SRI: variants seen among roughly 807,000 people sequenced by gnomAD.
SRI encodes 22 kDa protein.
A neutral mutation model predicts 33.3 loss-of-function variants in SRI; 30 were observed. The ratio of observed to expected loss-of-function variants is 0.90; its 90% CI spans 0.67 to 1.22. The LOEUF (loss-of-function observed/expected upper bound fraction) is 1.22. Ranked by LOEUF, SRI falls within the 50% of genes most tolerant of loss-of-function variation. The probability of loss-of-function intolerance (pLI) is 0.00; values close to 1 mark genes in which losing one functional copy is unlikely to be tolerated. For missense variants in SRI, 243 were observed against 250.8 expected, an observed-to-expected ratio of 0.97 and a Z score of 0.21; for synonymous variants, 75 against 89.9, an observed-to-expected ratio of 0.83 and a Z score of 0.94.
intron 1 of SRI, chr7:88,219,274 T>C (rs1851817375): frequency 2.8e-6 from 1 of 353,862 alleles, no homozygotes; most frequent in Non-Finnish European, 5.4e-6. Context: ...CAAATTCTCC[T>C]TTTGTTGTTA....
chr7:88,208,583 A>G lies in SRI; in HGVS notation c.512-18T>C. 1 of 1,613,576 alleles carries G rather than the reference A, an allele frequency of 6.2e-7. No individual in the cohort carries two copies. Among genetic ancestry groups the G allele is most frequent in the Non-Finnish European group, 8.5e-7 (1 of 1,179,686 alleles). On this transcript the variant is annotated intron_variant, in intron 6 of 7. Coordinates refer to ENST00000265729, the MANE Select transcript of SRI (RefSeq NM_003130.4). ...AAAGCTGTCTGTAAAACAACACAGT[A>G]AAATTTATGGTTTTTCTTTAAATGG...
intron 3 of SRI, among the ~76,000 whole-genome samples, chr7:88,211,474 A>G (rs1667495447): frequency 6.6e-6 from 1 of 152,150 alleles, no homozygotes; most frequent in Non-Finnish European, 1.5e-5. Flanking sequence ...AAAGTATTAC[A>G]TAGTACTGTT....
Position 88,206,182 on chromosome 7 carries a change from CTT to C in SRI, c.*294_*295del, listed in dbSNP as rs1851436463. The C allele has an allele frequency of 2.3e-6, 1 of 442,462 alleles. No homozygotes were observed. The allele number at this position is 442,462 out of a possible 1,614,324, so 27.4% of individuals were successfully genotyped here. A position where few individuals can be genotyped will look rare whatever the true frequency, so the allele number is the denominator to read the frequency against. ...TCACAATGAAAAATAAATAATGTGA[CTT>C]AAACATTTTGCATACTTAAATTTAC... is the stretch of plus-strand genomic sequence containing the variant. On this transcript the variant is annotated 3_prime_UTR_variant, in exon 8 of 8. Coordinates refer to ENST00000265729, the MANE Select transcript of SRI (RefSeq NM_003130.4).
chr7:88,220,148 T>A (rs1851854436), upstream of SRI: 1 of 1,340,694 alleles, frequency 7.5e-7, no homozygotes, highest in Non-Finnish European at 9.5e-7. Flanking sequence ...GGGGACGCGC[T>A]CCGCAGTCGT....
In SRI at chr7:88,205,121, G is replaced by A. The variant is rs764961727; in HGVS notation, c.*1357C>T. The A allele has an allele frequency of 1.3e-5, 2 of 152,176 alleles. No individual in the cohort carries two copies. Among genetic ancestry groups the A allele is most frequent in the African/African-American group, 4.8e-5 (2 of 41,442 alleles). 9.4% of individuals were successfully genotyped at this position (152,176 alleles called of 1,614,324 possible). A position where few individuals can be genotyped will look rare whatever the true frequency, so the allele number is the denominator to read the frequency against. On this transcript the variant is annotated 3_prime_UTR_variant, in exon 8 of 8. Coordinates refer to ENST00000265729, the MANE Select transcript of SRI (RefSeq NM_003130.4). ...AGTGAAATGAGGCTAAAGATGCTTA[G>A]AGAAAATGTTTTATTTTCATTAGTT...
intron 1 of SRI, 69 bp downstream of exon 1, chr7:88,219,907 G>GC: frequency 6.6e-7 from 1 of 1,512,390 alleles, no homozygotes; most frequent in Admixed American, 2.0e-5. Flanking sequence ...GCTGGCCGCA[G>GC]CATCTCCAAG....
At chr7:88,213,700 A>G (rs1264579413) in intron 3 of SRI, among the ~76,000 whole-genome samples, 2 of 152,332 alleles carry the variant, frequency 1.3e-5, no homozygotes, top group East Asian at 1.9e-4. Context: ...ACTGGTATGG[A>G]TGGATGGCAC....
intron 4 of SRI, chr7:88,210,637 C>T: frequency 2.1e-6 from 1 of 481,550 alleles, no homozygotes; most frequent in Non-Finnish European, 3.8e-6. Flanking sequence ...TCCTGACACT[C>T]TGGACTCTGT....
chr7:88,216,270 G>A (rs1159142251), intron 3 of SRI, among the ~76,000 whole-genome samples: 4 of 152,182 alleles, frequency 2.6e-5, no homozygotes, highest in Non-Finnish European at 5.9e-5. Flanking sequence ...GAGCCACTGT[G>A]CCCTGCCAGG....
intron 3 of SRI, among the ~76,000 whole-genome samples, chr7:88,212,493 A>T (rs1851603920): frequency 1.3e-5 from 2 of 152,224 alleles, no homozygotes; most frequent in South Asian, 4.1e-4. Context: ...GCTGCACCAT[A>T]GAACAATTAA....
upstream of SRI, among the ~76,000 whole-genome samples, chr7:88,224,400 C>G (rs111717368): frequency 6.6e-6 from 1 of 152,186 alleles, no homozygotes. Context: ...GTTGAATTAA[C>G]CATAGGTCTT....
At chr7:88,226,400 G>T (rs574263845) in intron 1 of SRI, among the ~76,000 whole-genome samples, 2 of 152,088 alleles carry the variant, frequency 1.3e-5, no homozygotes, top group Non-Finnish European at 2.9e-5. Context: ...TCTTGATGTC[G>T]CAAAGTTTAC....
At chr7:88,215,577 A>G (rs1230249632) in intron 3 of SRI, among the ~76,000 whole-genome samples, 1 of 152,246 alleles carries the variant, frequency 6.6e-6, no homozygotes, top group Non-Finnish European at 1.5e-5. Context: ...TTTGTTTAGG[A>G]CTAGATTAAA....
At position 88,220,001 on chromosome 7, in the gene SRI, G is replaced by T; in HGVS notation, c.26C>A (p.Ala9Asp). The T allele has an allele frequency of 6.5e-7, 1 of 1,536,114 alleles. No homozygotes were observed. The part of the protein sequence containing the change: MAYPGHPG[A>D]GGGYYPGGYG... The stretch of plus-strand genomic sequence containing the variant: ...CCCGCCTGGGTAGTACCCGCCGCCG[G>T]CGCCAGGATGCCCCGGGTACGCCAT... Residue 9 changes from alanine (A) to aspartate (D), a missense_variant, in exon 1 of 8, where the codon GCC becomes GAC. Coordinates refer to ENST00000265729, the MANE Select transcript of SRI (RefSeq NM_003130.4).
upstream of SRI, among the ~76,000 whole-genome samples, chr7:88,222,567 C>A (rs560204160): frequency 2.0e-5 from 3 of 152,014 alleles, no homozygotes; most frequent in African/African-American, 7.2e-5. Flanking sequence ...TGTTTGAGTT[C>A]ACTGTAGATT....
chr7:88,219,914 C>T, intron 1 of SRI, 62 bp downstream of exon 1: 1 of 1,525,424 alleles, frequency 6.6e-7, no homozygotes, highest in Non-Finnish European at 8.8e-7. Context: ...GCAGCATCTC[C>T]AAGGTGGCCT....
intron 3 of SRI, chr7:88,216,754 G>A (rs1046421139): frequency 5.0e-6 from 1 of 198,046 alleles, no homozygotes; most frequent in African/African-American, 2.4e-5. Context: ...CACTAGATTG[G>A]CAGGTAGGAT....
rs1371361287 is a variant in SRI, at chr7:88,206,153, T to C, written c.*325A>G. ...CTGTAGTCTGATTAACAGTTTTTAGTGTCTCACAATGAAAAATAAATAATG... is the reference window on the plus strand; with the variant it reads ...CTGTAGTCTGATTAACAGTTTTTAGCGTCTCACAATGAAAAATAAATAATG... On this transcript the variant is annotated 3_prime_UTR_variant, in exon 8 of 8. Transcript: ENST00000265729. The C allele has an allele frequency of 2.8e-6, 1 of 360,574 alleles. No homozygotes were observed. The highest frequency in any genetic ancestry group is 2.1e-5 in the African/African-American group (1 of 48,456). The allele number at this position is 360,574 out of a possible 1,614,324, so 22.3% of individuals were successfully genotyped here. A position where few individuals can be genotyped will look rare whatever the true frequency, so the allele number is the denominator to read the frequency against.
chr7:88,215,045 A>C (rs1483670400), intron 3 of SRI: 2 of 430,482 alleles, frequency 4.6e-6, no homozygotes, highest in Admixed American at 2.5e-5. Flanking sequence ...AAACTGGTTA[A>C]GAAGGGCCCA....
Sources: allele counts gnomAD v4.1 joint callset (sites outside exome capture counted in the v4.1 genomes callset), GRCh38; gene constraint gnomAD v4.1.1; transcripts MANE v1.5; gene names NCBI Gene and HGNC (gene_info 2026-07-23, HGNC 2026-07-21).